TMEM117: variants seen among roughly 807,000 people sequenced by gnomAD.
TMEM117 encodes the protein transmembrane protein 117.
Under a neutral mutation model 52.4 loss-of-function variants are expected in TMEM117, and 27 were observed. The ratio of observed to expected loss-of-function variants is 0.51; its 90% CI spans 0.38 to 0.71. The LOEUF (loss-of-function observed/expected upper bound fraction) is 0.71. Among genes scored for constraint, TMEM117 ranks in the 30% least tolerant of loss-of-function variants. TMEM117 has a pLI of 0.00. For missense variants in TMEM117, 556 were observed against 630.5 expected (o/e 0.88, Z 1.26); for synonymous variants, 215 against 206.3 (o/e 1.04, Z -0.36).
chr12:44,391,351 C>A (rs762508595), downstream of TMEM117, among the ~76,000 whole-genome samples: 5 of 152,268 alleles, frequency 3.3e-5, no homozygotes, highest in Admixed American at 1.3e-4. Context: ...CCCATGGTAG[C>A]TACTTATGTT....
At chr12:44,394,005 A>T (rs1350080034), downstream of TMEM117, among the ~76,000 whole-genome samples, 1 of 152,184 alleles carries the variant, frequency 6.6e-6, no homozygotes, top group Non-Finnish European at 1.5e-5. Context: ...AGAATGTTAG[A>T]GGAAGAACTG....
chr12:44,283,869 G>A (rs1483562406), intron 5 of TMEM117, among the ~76,000 whole-genome samples: 1 of 152,122 alleles, frequency 6.6e-6, no homozygotes, highest in African/African-American at 2.4e-5. Context: ...CGTGTTGCGG[G>A]AGAGACTCAG....
intron 6 of TMEM117, among the ~76,000 whole-genome samples, chr12:44,309,418 G>A (rs925645301): frequency 2.0e-5 from 3 of 152,246 alleles, no homozygotes; most frequent in African/African-American, 7.2e-5. Context: ...TCAGTGTCAA[G>A]TCTAGTTAGA....
chr12:43,948,052 T>G (rs1005559369), intron 3 of TMEM117, among the ~76,000 whole-genome samples: 3 of 152,248 alleles, frequency 2.0e-5, no homozygotes, highest in Admixed American at 2.0e-4. Context: ...GTTGCCTGGC[T>G]CCTGTTCTTC....
At chr12:44,254,735 G>A (rs957367304) in intron 5 of TMEM117, among the ~76,000 whole-genome samples, 2 of 151,814 alleles carry the variant, frequency 1.3e-5, no homozygotes, top group Admixed American at 1.3e-4. Flanking sequence ...GTATACATGT[G>A]CCATGTTGAT....
At chr12:43,965,067 T>G (rs891502760) in intron 3 of TMEM117, among the ~76,000 whole-genome samples, 4 of 152,230 alleles carry the variant, frequency 2.6e-5, no homozygotes, top group Non-Finnish European at 5.9e-5. Flanking sequence ...ACTTTTGCAC[T>G]CGTCCTGGTT....
downstream of TMEM117, among the ~76,000 whole-genome samples, chr12:44,393,531 G>T (rs1952170201): frequency 6.6e-6 from 1 of 151,932 alleles, no homozygotes; most frequent in Non-Finnish European, 1.5e-5. Context: ...TTTTTGACTT[G>T]CCCGAGGACT....
At chr12:44,196,822 C>A (rs540970491) in intron 4 of TMEM117, among the ~76,000 whole-genome samples, 1 of 152,312 alleles carries the variant, frequency 6.6e-6, no homozygotes, top group African/African-American at 2.4e-5. Flanking sequence ...AACTTACAAA[C>A]CATGTTACTG....
chr12:44,193,207 T>C (rs539015660), intron 4 of TMEM117, among the ~76,000 whole-genome samples: 12 of 152,186 alleles, frequency 7.9e-5, no homozygotes, highest in African/African-American at 2.7e-4. Context: ...AGAGAAAGAG[T>C]ATGGACAAAT....
intron 5 of TMEM117, among the ~76,000 whole-genome samples, chr12:44,239,382 A>G (rs1045947415): frequency 6.6e-6 from 1 of 152,172 alleles, no homozygotes; most frequent in Non-Finnish European, 1.5e-5. Flanking sequence ...CTGTGGCATT[A>G]AGGATTGTTC....
intron 3 of TMEM117, among the ~76,000 whole-genome samples, chr12:43,969,071 A>C (rs1945531717): frequency 6.7e-6 from 1 of 149,990 alleles, no homozygotes; most frequent in African/African-American, 2.5e-5. Flanking sequence ...ATCACTAATC[A>C]AAGAAAGCAC....
chr12:44,307,422 T>C (rs1387710284), intron 6 of TMEM117, among the ~76,000 whole-genome samples: 1 of 152,254 alleles, frequency 6.6e-6, no homozygotes, highest in Admixed American at 6.5e-5. Flanking sequence ...TTTACATGTG[T>C]TTAACATCTT....
chr12:44,062,341 G>C (rs910023761), intron 3 of TMEM117, among the ~76,000 whole-genome samples: 1 of 152,182 alleles, frequency 6.6e-6, no homozygotes, highest in African/African-American at 2.4e-5. Context: ...TTCTTTGTAA[G>C]AGGCGGTTAG....
At chr12:44,149,176 T>C (rs1402203393) in intron 4 of TMEM117, among the ~76,000 whole-genome samples, 3 of 152,224 alleles carry the variant, frequency 2.0e-5, no homozygotes, top group African/African-American at 7.2e-5. Flanking sequence ...CAGTGCATTC[T>C]TCGAATGGTC....
intron 3 of TMEM117, among the ~76,000 whole-genome samples, chr12:44,108,029 A>G (rs1001486230): frequency 2.0e-5 from 3 of 152,092 alleles, no homozygotes; most frequent in Non-Finnish European, 2.9e-5. Context: ...CTTATTTTTC[A>G]TTCTGATACT....
At chr12:44,045,287 C>A (rs998868410) in intron 3 of TMEM117, among the ~76,000 whole-genome samples, 1 of 152,132 alleles carries the variant, frequency 6.6e-6, no homozygotes, top group Admixed American at 6.5e-5. Flanking sequence ...CAGTAGAGAC[C>A]AACACTGAGC....
intron 4 of TMEM117, among the ~76,000 whole-genome samples, chr12:44,205,632 A>G (rs1371765344): frequency 2.6e-5 from 4 of 152,242 alleles, no homozygotes; most frequent in Admixed American, 6.5e-5. Flanking sequence ...AAAGGAAGAC[A>G]TACACATGGC....
At chr12:44,354,204 G>T (rs1311580673) in intron 6 of TMEM117, among the ~76,000 whole-genome samples, 1 of 152,032 alleles carries the variant, frequency 6.6e-6, no homozygotes, top group Non-Finnish European at 1.5e-5. Flanking sequence ...CTGAGACGAT[G>T]GGTTTTCTAG....
intron 7 of TMEM117, among the ~76,000 whole-genome samples, chr12:44,387,776 G>A (rs1332286728): frequency 6.6e-6 from 1 of 151,984 alleles, no homozygotes; most frequent in African/African-American, 2.4e-5. Flanking sequence ...ACTTAATCTT[G>A]TTAGTATAAA....
Sources: allele counts gnomAD v4.1 joint callset (sites outside exome capture counted in the v4.1 genomes callset), GRCh38; gene constraint gnomAD v4.1.1; transcripts MANE v1.5; gene names NCBI Gene and HGNC (gene_info 2026-07-23, HGNC 2026-07-21).